Variants in MTMR9 observed in about 807,000 individuals in gnomAD.
MTMR9 encodes the protein myotubularin-related protein 9.
Under a neutral mutation model 69.5 loss-of-function variants are expected in MTMR9, and 39 were observed. That is an observed-to-expected ratio of 0.56 (90% confidence interval 0.43 to 0.73). The LOEUF (loss-of-function observed/expected upper bound fraction) is 0.73. Among genes scored for constraint, MTMR9 ranks in the 30% least tolerant of loss-of-function variants. MTMR9 has a pLI of 0.00. For missense variants in MTMR9, 900 were observed against 671.2 expected (o/e 1.34, Z -3.77); for synonymous variants, 354 against 240.8 (o/e 1.47, Z -4.35).
rs530288109 is a variant in MTMR9 at position 11,294,878 on chromosome 8, T to C, written c.183-316T>C. The C allele has an allele frequency of 2.6e-4, 42 of 163,658 alleles. 1 individual carries two copies. The South Asian group carries it at 4.6e-3, about 18-fold the overall frequency. 10.1% of individuals were successfully genotyped at this position (163,658 alleles called of 1,614,324 possible). On this transcript the variant is annotated intron_variant, in intron 1 of 9. Coordinates refer to ENST00000221086, the MANE Select transcript of MTMR9 (RefSeq NM_015458.4). ...ACTGTTTTCCTATGCTCCAGAAATATCTCTCTACAAACACTTAACACATTA... is the reference window on the plus strand; with the variant it reads ...ACTGTTTTCCTATGCTCCAGAAATACCTCTCTACAAACACTTAACACATTA...
the MTMR9 span, among the ~76,000 whole-genome samples, chr8:11,338,639 AAGG>A: frequency 6.6e-6 from 1 of 152,210 alleles, no homozygotes; most frequent in Non-Finnish European, 1.5e-5. Context: ...ACTGGCAGCC[AAGG>A]AGGTCACTGC....
downstream of MTMR9, chr8:11,331,677 C>T: frequency 1.2e-6 from 2 of 1,612,102 alleles, no homozygotes; most frequent in South Asian, 1.1e-5. Context: ...CTACACCACC[C>T]TGGGCTATGT....
chr8:11,316,712 T>A lies in MTMR9; in HGVS notation c.1153T>A (p.Tyr385Asn), dbSNP rs753928498. The change falls in exon 8 of 10, where the codon TAC becomes AAC. Residue 385 changes from tyrosine to asparagine, a missense_variant. Coordinates refer to ENST00000221086, the MANE Select transcript of MTMR9 (RefSeq NM_015458.4). The part of the protein sequence containing the change: ...PFQQRCAQSA[Y>N]CNTKQKWEAP... ...CCAGCAGCGCTGTGCACAGTCAGCC[T>A]ACTGTAACACCAAGCAGAAGTGGGA... is the stretch of plus-strand genomic sequence containing the variant. The A allele has an allele frequency of 1.2e-4, 197 of 1,613,254 alleles. No individual in the cohort carries two copies. Among genetic ancestry groups the A allele is most frequent in the Middle Eastern group, 1.7e-4 (1 of 6,056 alleles).
chr8:11,318,898 G>A (rs1043742773), intron 8 of MTMR9: 1 of 151,950 alleles, frequency 6.6e-6, no homozygotes, highest in Non-Finnish European at 1.5e-5. Flanking sequence ...ATATTAGTAT[G>A]GGCGTAAGAA....
chr8:11,286,666 C>CAAAA (rs869105936), intron 1 of MTMR9, among the ~76,000 whole-genome samples: 1 of 71,662 alleles, frequency 1.4e-5, no homozygotes, highest in African/African-American at 5.3e-5. Flanking sequence ...AACTCCATCT[C>CAAAA]AAAAAAAAAA....
Position 11,298,789 on chromosome 8 carries a change from C to T in MTMR9, c.292-1234C>T, listed in dbSNP as rs1051693492. On this transcript the variant is annotated intron_variant, in intron 2 of 9. Coordinates refer to ENST00000221086, the MANE Select transcript of MTMR9 (RefSeq NM_015458.4). ...CCCCCTGTGAGAAGGATGAATCTGC[C>T]TAGTGATAGAGACTTTCCTTCTCTC... is the stretch of plus-strand genomic sequence containing the variant. The T allele has an allele frequency of 1.0e-5, 10 of 980,954 alleles. No homozygotes were observed. The South Asian group carries it at 3.3e-4, about 33-fold the overall frequency. The allele number at this position is 980,954 out of a possible 1,614,324, so 60.8% of individuals were successfully genotyped here.
chr8:11,332,514 C>T (rs990824499), downstream of MTMR9, among the ~76,000 whole-genome samples: 2 of 151,520 alleles, frequency 1.3e-5, no homozygotes, highest in Non-Finnish European at 2.9e-5. Context: ...TAGAAAGGAA[C>T]CAGGTAGAAA....
chr8:11,297,980 C>T (rs1799618393), intron 2 of MTMR9: 4 of 456,032 alleles, frequency 8.8e-6, no homozygotes, highest in Admixed American at 7.0e-5. Context: ...TTTCATATAG[C>T]ATAGCTGAGC....
At chr8:11,306,455 A>T in intron 5 of MTMR9, 48 bp downstream of exon 5, 1 of 1,540,670 alleles carries the variant, frequency 6.5e-7, no homozygotes, top group Non-Finnish European at 9.0e-7. Flanking sequence ...AGCTAATTAT[A>T]GTGGGTAAGG....
At chr8:11,306,043 C>T in intron 4 of MTMR9, 147 bp from the exon 5 acceptor site, 1 of 655,344 alleles carries the variant, frequency 1.5e-6, no homozygotes, top group South Asian at 2.0e-5. Context: ...TCAATACATG[C>T]AAATATTTCT....
At position 11,302,621 on chromosome 8, in the gene MTMR9, C is replaced by T. The variant is rs1227793326; in HGVS notation, c.418-2220C>T. Among the ~76,000 whole-genome samples the T allele has an allele frequency of 2.0e-5, 3 of 151,948 alleles. No homozygotes were observed. The East Asian group carries it at 5.8e-4, about 29-fold the overall frequency. ...AAAGGATGGGTACCAAAACCAAAAA[C>T]ATAAAAAAAGCAAATCTTGTATCAT... On this transcript the variant is annotated intron_variant, in intron 3 of 9. Transcript: ENST00000221086.
chr8:11,287,964 T>C (rs1351082892), intron 1 of MTMR9, among the ~76,000 whole-genome samples: 4 of 124,334 alleles, frequency 3.2e-5, no homozygotes, highest in Admixed American at 9.8e-5. Context: ...TTATATACTA[T>C]GTATTATATA....
chr8:11,335,171 CTAAAA>C, the MTMR9 span, among the ~76,000 whole-genome samples: 1 of 152,100 alleles, frequency 6.6e-6, no homozygotes, highest in African/African-American at 2.4e-5. Context: ...TGTAGAAAGT[CTAAAA>C]TAAGCAACCA....
chr8:11,332,026 T>C (rs12681991), downstream of MTMR9: 758,314 of 1,560,850 alleles, frequency 0.49, 184,105 homozygotes, highest in East Asian at 0.73. Flanking sequence ...ACTGTGGCAC[T>C]TTCTGACATC....
Position 11,324,588 on chromosome 8 carries a change from C to G in MTMR9, c.*1800C>G, listed in dbSNP as rs942338201. The G allele has an allele frequency of 6.6e-6, 1 of 151,332 alleles. No individual in the cohort carries two copies. The highest frequency in any genetic ancestry group is 1.5e-5 in the Non-Finnish European group (1 of 67,938). The allele number at this position is 151,332 out of a possible 1,614,324, so 9.4% of individuals were successfully genotyped here. ...TTGCTTGCTATGTCTGTTAATACAGCTGAGCTTTTTGTTTTCTTCTCTTTT... is the reference window on the plus strand; with the variant it reads ...TTGCTTGCTATGTCTGTTAATACAGGTGAGCTTTTTGTTTTCTTCTCTTTT... On this transcript the variant is annotated 3_prime_UTR_variant, in exon 10 of 10. Coordinates refer to ENST00000221086, the MANE Select transcript of MTMR9 (RefSeq NM_015458.4).
chr8:11,307,199 G>A (rs934179443), intron 5 of MTMR9, among the ~76,000 whole-genome samples: 1 of 152,102 alleles, frequency 6.6e-6, no homozygotes, highest in Non-Finnish European at 1.5e-5. Flanking sequence ...AGCTTCCCAA[G>A]TAGCTGGGAC....
At chr8:11,294,097 G>A (rs181940439) in intron 1 of MTMR9, among the ~76,000 whole-genome samples, 116 of 152,258 alleles carry the variant, frequency 7.6e-4, no homozygotes, top group Non-Finnish European at 1.4e-3. Context: ...ATTTTGTTTG[G>A]AATTATGTTG....
chr8:11,329,927 C>G (rs561764796), downstream of MTMR9, among the ~76,000 whole-genome samples: 1 of 151,470 alleles, frequency 6.6e-6, no homozygotes, highest in South Asian at 2.1e-4. Context: ...TGCCCGGCTG[C>G]GACCCCGTCT....
At chr8:11,328,660 C>G (rs1362390018), downstream of MTMR9, among the ~76,000 whole-genome samples, 1 of 152,084 alleles carries the variant, frequency 6.6e-6, no homozygotes, top group Non-Finnish European at 1.5e-5. Flanking sequence ...CAGTGAATGG[C>G]AAAACTAGCA....
Sources: gnomAD v4.1 joint callset for allele counts (sites outside exome capture counted in the v4.1 genomes callset) on GRCh38, gnomAD v4.1.1 for gene constraint, MANE v1.5 for transcripts, NCBI Gene and HGNC (gene_info 2026-07-23, HGNC 2026-07-21) for gene names.